The following KDM6A variants were observed in gnomAD, a reference collection of about 807,000 sequenced individuals.
KDM6A encodes lysine-specific demethylase 6A.
KDM6A carries 11 observed loss-of-function variants against 117.6 expected under a neutral mutation model. That is an observed-to-expected ratio of 0.09 (90% CI 0.06 to 0.15). KDM6A has a LOEUF of 0.15. Among genes scored for constraint, KDM6A ranks in the 10% least tolerant of loss-of-function variants. The pLI is 1.00. For synonymous variants in KDM6A, 384 were observed against 396.1 expected (o/e 0.97, Z 0.36); for missense variants, 799 against 1,077.3 (o/e 0.74, Z 3.62).
At chrX:45,037,565 T>C in intron 7 of KDM6A, 90 bp from the exon 8 acceptor site, 1 of 701,235 alleles carries the variant, frequency 1.4e-6, no homozygotes, top group Non-Finnish European at 2.3e-6. Flanking sequence ...TAGACTGTGA[T>C]AATGTTTGAT....
At chrX:45,016,542 C>A in intron 5 of KDM6A, among the ~76,000 whole-genome samples, 1 of 110,820 alleles carries the variant, frequency 9.0e-6, no homozygotes, top group Non-Finnish European at 1.9e-5. Context: ...ACTCTGTCGC[C>A]AGGCTGGAGT....
intron 3 of KDM6A, among the ~76,000 whole-genome samples, chrX:44,964,545 T>G (rs2038909555): frequency 1.8e-5 from 2 of 111,191 alleles, no homozygotes; most frequent in Admixed American, 1.9e-4. Flanking sequence ...AAAACAACAT[T>G]AATCTGCTTG....
intron 9 of KDM6A, 82 bp downstream of exon 9, chrX:45,051,884 C>A: frequency 1.8e-6 from 1 of 548,087 alleles, no homozygotes; most frequent in Non-Finnish European, 3.1e-6. Flanking sequence ...ATATGTGGCT[C>A]ATATATTCTA....
At chrX:45,031,918 C>CT (rs1335019316) in intron 6 of KDM6A, among the ~76,000 whole-genome samples, 6 of 110,790 alleles carry the variant, frequency 5.4e-5, no homozygotes, top group Non-Finnish European at 1.1e-4. Flanking sequence ...ACGTTGAAGG[C>CT]TTTTAAAACA....
chrX:45,010,846 T>C (rs759904464), intron 4 of KDM6A, 115 bp from the exon 5 acceptor site: 6 of 525,147 alleles, frequency 1.1e-5, no homozygotes, highest in Non-Finnish European at 1.6e-5. Context: ...TATATTGTAA[T>C]GCATGATAGA....
At chrX:45,039,716 A>G (rs1213191101) in intron 8 of KDM6A, among the ~76,000 whole-genome samples, 5 of 73,321 alleles carry the variant, frequency 6.8e-5, no homozygotes, top group African/African-American at 1.0e-4. Context: ...ATGACTCTTA[A>G]GGAGCATGCT....
chrX:45,008,557 G>A (rs1221617018), intron 4 of KDM6A, among the ~76,000 whole-genome samples: 1 of 109,910 alleles, frequency 9.1e-6, no homozygotes, highest in Non-Finnish European at 1.9e-5. Flanking sequence ...AACACTAAAT[G>A]ACTCTGGATT....
chrX:45,034,437 T>G (rs1034931162), intron 6 of KDM6A, among the ~76,000 whole-genome samples: 1 of 111,971 alleles, frequency 8.9e-6, no homozygotes, highest in African/African-American at 3.2e-5. Context: ...GTACAGTGAT[T>G]ATTGAAAGAT....
chrX:44,983,035 T>A, intron 4 of KDM6A, among the ~76,000 whole-genome samples: 1 of 112,444 alleles, frequency 8.9e-6, no homozygotes, highest in East Asian at 2.8e-4. Context: ...CCTGAATTTT[T>A]TTTAAAAGCC....
intron 2 of KDM6A, among the ~76,000 whole-genome samples, chrX:44,883,983 T>C (rs756554821): frequency 9.3e-6 from 1 of 108,045 alleles, no homozygotes; most frequent in Non-Finnish European, 1.9e-5. Flanking sequence ...ATGCCTGTAA[T>C]TCCAGCTACT....
At chrX:44,909,993 T>C (rs2146770971) in intron 2 of KDM6A, among the ~76,000 whole-genome samples, 1 of 112,313 alleles carries the variant, frequency 8.9e-6, no homozygotes, top group South Asian at 3.7e-4. Flanking sequence ...ATTATTTCGT[T>C]AAATTACACT....
intron 2 of KDM6A, among the ~76,000 whole-genome samples, chrX:44,940,162 A>G (rs1194885489): frequency 6.3e-5 from 7 of 110,986 alleles, no homozygotes; most frequent in Non-Finnish European, 1.3e-4. Context: ...AAGCAATTCT[A>G]GTGCCTCAGC....
intron 2 of KDM6A, among the ~76,000 whole-genome samples, chrX:44,886,799 A>G (rs886486575): frequency 9.1e-6 from 1 of 110,183 alleles, no homozygotes; most frequent in Non-Finnish European, 1.9e-5. Context: ...CCTACTTACT[A>G]TCTTGTATTT....
At chrX:44,937,401 A>AT (rs2037033038) in intron 2 of KDM6A, among the ~76,000 whole-genome samples, 1 of 111,313 alleles carries the variant, frequency 9.0e-6, no homozygotes, top group South Asian at 3.8e-4. Flanking sequence ...TATTGGAACC[A>AT]TTTTTCCAAC....
At chrX:44,973,842 TTAATC>T (rs1395232203) in intron 3 of KDM6A, among the ~76,000 whole-genome samples, 1 of 111,110 alleles carries the variant, frequency 9.0e-6, no homozygotes, top group Non-Finnish European at 1.9e-5. Flanking sequence ...CTATCGTACT[TTAATC>T]TACCGAATTT....
chrX:45,004,323 A>T (rs1182967082), intron 4 of KDM6A, among the ~76,000 whole-genome samples: 1 of 111,294 alleles, frequency 9.0e-6, no homozygotes, highest in Non-Finnish European at 1.9e-5. Flanking sequence ...GTCTAGAAGT[A>T]CCTGGGTTTG....
intron 2 of KDM6A, among the ~76,000 whole-genome samples, chrX:44,917,099 C>T (rs914559556): frequency 2.8e-5 from 3 of 107,699 alleles, no homozygotes; most frequent in South Asian, 8.4e-4. Context: ...GATCTTGGCT[C>T]ACTGCAACCT....
intron 18 of KDM6A, among the ~76,000 whole-genome samples, chrX:45,074,417 A>G (rs1050836904): frequency 2.7e-5 from 3 of 112,084 alleles, no homozygotes; most frequent in Admixed American, 1.9e-4. Flanking sequence ...TGCCCTTTGC[A>G]TTAGGATTGG....
intron 18 of KDM6A, among the ~76,000 whole-genome samples, chrX:45,071,170 CAAAT>C (rs942551920): frequency 2.7e-5 from 3 of 112,007 alleles, no homozygotes; most frequent in African/African-American, 9.7e-5. Flanking sequence ...CTGGAACAAA[CAAAT>C]AATTCTGTAA....
Sources: allele counts gnomAD v4.1 joint callset (sites outside exome capture counted in the v4.1 genomes callset), GRCh38; gene constraint gnomAD v4.1.1; transcripts MANE v1.5; gene names NCBI Gene and HGNC (gene_info 2026-07-23, HGNC 2026-07-21).